The following YIPF7 variants were observed in gnomAD, a reference collection of about 807,000 sequenced individuals.
YIPF7 encodes the protein Yip1 domain family member 7, also known as protein YIPF7.
A neutral mutation model predicts 27.2 loss-of-function variants in YIPF7; 35 were observed. The observed-to-expected ratio is 1.29, with a 90% CI of 0.98 to 1.70. The LOEUF (loss-of-function observed/expected upper bound fraction) is 1.70, where lower values mean the gene tolerates loss of function less well. Ranked by LOEUF, YIPF7 falls within the 40% of genes most tolerant of loss-of-function variation. YIPF7 has a pLI of 0.00. For synonymous variants in YIPF7, 137 were observed against 110.4 expected (o/e 1.24, Z -1.51); for missense variants, 358 against 303.7 (o/e 1.18, Z -1.33).
chr4:44,649,343 T>C (rs1435224373), intron 2 of YIPF7, among the ~76,000 whole-genome samples: 1 of 152,124 alleles, frequency 6.6e-6, no homozygotes, highest in African/African-American at 2.4e-5. Flanking sequence ...ATGGAGAACT[T>C]GATGAATTTC....
At chr4:44,632,212 C>T (rs1433597755) in intron 3 of YIPF7, among the ~76,000 whole-genome samples, 1 of 152,022 alleles carries the variant, frequency 6.6e-6, no homozygotes, top group Admixed American at 6.6e-5. Context: ...ATTGTAGATA[C>T]TCTAATATAA....
At position 44,635,937 on chromosome 4, in the gene YIPF7, G is replaced by C. The variant is rs187969734; in HGVS notation, c.265C>G (p.Pro89Ala). 1.9e-6 allele frequency: 3 copies of C among 1,613,626 alleles called. No homozygotes were observed. The change falls in exon 3 of 6, where the codon CCT becomes GCT. Residue 89 changes from proline to alanine, a missense_variant. Transcript: ENST00000415895. The stretch of plus-strand genomic sequence containing the variant: ...CTTAACTTATCTTCTAGCAAAGGAG[G>C]CTCTTCATCAAAACTGTCAATGTAA... ...SPYIDSFDEE[P>A]PLLEELGIHF...
rs760514470 is a variant in YIPF7 at position 44,622,409 on chromosome 4, A to G, written c.*5T>C. On this transcript the variant is annotated 3_prime_UTR_variant, in exon 6 of 6. Transcript: ENST00000415895. ...AGAGTCTTGAAATGCCATCTCAAAC[A>G]TTCTTTAGAAAATTGTTAGGAGGGC... is the stretch of plus-strand genomic sequence containing the variant. 1.9e-6 allele frequency: 3 copies of G among 1,609,512 alleles called. No individual in the cohort carries two copies. The highest frequency in any genetic ancestry group is 2.2e-5 in the East Asian group (1 of 44,772).
intron 2 of YIPF7, among the ~76,000 whole-genome samples, chr4:44,640,634 A>G (rs557256617): frequency 6.6e-6 from 1 of 152,188 alleles, no homozygotes; most frequent in Non-Finnish European, 1.5e-5. Context: ...CAGGTGTCAT[A>G]GCCAACCCAA....
At chr4:44,644,303 A>G (rs115540782) in intron 2 of YIPF7, among the ~76,000 whole-genome samples, 2,040 of 152,336 alleles carry the variant, frequency 0.013, 22 homozygotes, top group Middle Eastern at 0.031. Flanking sequence ...GTGTAGGGCC[A>G]CACATAAAAT....
At chr4:44,659,085 C>T (rs541243126) in intron 2 of YIPF7, among the ~76,000 whole-genome samples, 1 of 152,262 alleles carries the variant, frequency 6.6e-6, no homozygotes, top group East Asian at 1.9e-4. Context: ...GGTTTATCTG[C>T]AGAGTTGGCT....
In YIPF7 at chr4:44,624,737, C is replaced by T; in HGVS notation, c.472G>A (p.Gly158Ser). 6.2e-7 allele frequency: 1 copy of T among 1,611,848 alleles called. No individual in the cohort carries two copies. The highest frequency in any genetic ancestry group is 8.5e-7 in the Non-Finnish European group (1 of 1,179,020). Reference sequence around the variant, plus strand: ...AGCAAGGCATGAATCACAAGGCAGCCAATGGCACTCATGCCATACACATAA... The same window carrying T: ...AGCAAGGCATGAATCACAAGGCAGCTAATGGCACTCATGCCATACACATAA... ...FGYVYGMSAI[G>S]CLVIHALLNL... The change falls in exon 5 of 6, where the codon GGC becomes AGC. Residue 158 changes from glycine (G) to serine (S), a missense_variant. Coordinates refer to ENST00000415895, the MANE Select transcript of YIPF7 (RefSeq NM_182592.3).
At chr4:44,652,972 T>C (rs1385620688), upstream of YIPF7, among the ~76,000 whole-genome samples, 3 of 152,078 alleles carry the variant, frequency 2.0e-5, no homozygotes, top group Non-Finnish European at 2.9e-5. Context: ...AATTATACAA[T>C]AGAATATACT....
chr4:44,653,675 T>C (rs1713805789), upstream of YIPF7, among the ~76,000 whole-genome samples: 1 of 152,150 alleles, frequency 6.6e-6, no homozygotes. Context: ...TTACTGAGGA[T>C]GATTTCTAGA....
At chr4:44,656,338 A>G (rs1280086486), upstream of YIPF7, among the ~76,000 whole-genome samples, 25 of 151,998 alleles carry the variant, frequency 1.6e-4, no homozygotes, top group Non-Finnish European at 2.9e-5. Flanking sequence ...AATCACATAG[A>G]TCCTTAGTTC....
intron 3 of YIPF7, among the ~76,000 whole-genome samples, chr4:44,632,720 A>G (rs1012899125): frequency 6.6e-6 from 1 of 152,176 alleles, no homozygotes; most frequent in Admixed American, 6.5e-5. Flanking sequence ...TTTTTTTTAT[A>G]TCTGAAAAAG....
intron 2 of YIPF7, among the ~76,000 whole-genome samples, chr4:44,640,907 G>A (rs911241507): frequency 6.6e-6 from 1 of 151,928 alleles, no homozygotes; most frequent in African/African-American, 2.4e-5. Context: ...AGTCTGTTAA[G>A]GGCTAAGATC....
At chr4:44,639,653 C>G (rs1381818158) in intron 2 of YIPF7, among the ~76,000 whole-genome samples, 1 of 152,036 alleles carries the variant, frequency 6.6e-6, no homozygotes, top group Non-Finnish European at 1.5e-5. Context: ...ATCATATCAT[C>G]CAATTACCAA....
chr4:44,652,857 AT>A (rs1193652636), upstream of YIPF7, among the ~76,000 whole-genome samples: 8 of 152,222 alleles, frequency 5.3e-5, no homozygotes, highest in Non-Finnish European at 7.3e-5. Flanking sequence ...CAAAAAATAA[AT>A]GGAGATTGAA....
In YIPF7 at chr4:44,622,338, C is replaced by T. The variant is rs1036033859; in HGVS notation, c.*76G>A. 8.1e-6 allele frequency: 12 copies of T among 1,486,384 alleles called. No individual in the cohort carries two copies. Among genetic ancestry groups the T allele is most frequent in the Middle Eastern group, 1.8e-4 (1 of 5,596 alleles). The allele number at this position is 1,486,384 out of a possible 1,614,324, so 92.1% of individuals were successfully genotyped here. A position where few individuals can be genotyped will look rare whatever the true frequency, so the allele number is the denominator to read the frequency against. ...AGCAATAAAACAGAAATCATATCAC[C>T]AAATTTGAATGTTAATATATTTCCA... On this transcript the variant is annotated 3_prime_UTR_variant, in exon 6 of 6. Coordinates refer to ENST00000415895, the MANE Select transcript of YIPF7 (RefSeq NM_182592.3).
At chr4:44,641,284 C>T (rs1193419951) in intron 2 of YIPF7, among the ~76,000 whole-genome samples, 2 of 152,098 alleles carry the variant, frequency 1.3e-5, no homozygotes, top group Non-Finnish European at 2.9e-5. Context: ...TGATTGTCTA[C>T]ACACCATTTT....
intron 2 of YIPF7, among the ~76,000 whole-genome samples, chr4:44,647,241 T>C (rs1213778527): frequency 6.6e-6 from 1 of 152,160 alleles, no homozygotes; most frequent in Non-Finnish European, 1.5e-5. Flanking sequence ...TTTTGATTTC[T>C]AGGAAATGTT....
At chr4:44,628,421 AATT>A (rs1315935689) in intron 4 of YIPF7, among the ~76,000 whole-genome samples, 2 of 152,172 alleles carry the variant, frequency 1.3e-5, no homozygotes, top group Admixed American at 6.5e-5. Flanking sequence ...CATTGGAAGA[AATT>A]ATTATTATGG....
chr4:44,660,781 C>A (rs550349869), intron 1 of YIPF7, among the ~76,000 whole-genome samples: 2 of 152,244 alleles, frequency 1.3e-5, no homozygotes, highest in Admixed American at 6.5e-5. Flanking sequence ...GATGGAAACA[C>A]CCCAAGGGGA....
Sources: allele counts gnomAD v4.1 joint callset (sites outside exome capture counted in the v4.1 genomes callset), GRCh38; gene constraint gnomAD v4.1.1; transcripts MANE v1.5; gene names NCBI Gene and HGNC (gene_info 2026-07-23, HGNC 2026-07-21).